The following GFRA2 variants were observed in gnomAD, a reference collection of about 807,000 sequenced individuals.
The protein encoded by GFRA2 is GDNF family receptor alpha 2, also known as GDNF family receptor alpha-2.
In GFRA2, 17 loss-of-function variants were observed where a neutral mutation model predicts 48.3. The ratio of observed to expected loss-of-function variants is 0.35; its 90% CI spans 0.24 to 0.53. The LOEUF (loss-of-function observed/expected upper bound fraction) is 0.53. Ranked by LOEUF, GFRA2 falls within the 20% of genes least tolerant of loss-of-function variation. GFRA2 has a pLI of 0.93. For missense variants in GFRA2, 660 were observed against 637.3 expected (o/e 1.04, Z -0.38); for synonymous variants, 305 against 257.2 (o/e 1.19, Z -1.78).
At chr8:21,782,467 A>G (rs1807041346) in intron 2 of GFRA2, 118 bp downstream of exon 2, 2 of 732,878 alleles carry the variant, frequency 2.7e-6, no homozygotes, top group Non-Finnish European at 4.5e-6. Context: ...AGGTAGACAT[A>G]GAGAGCTGGC....
upstream of GFRA2, among the ~76,000 whole-genome samples, chr8:21,791,762 TAGA>T (rs1169164654): frequency 3.3e-5 from 5 of 152,220 alleles, no homozygotes; most frequent in Non-Finnish European, 5.9e-5. Flanking sequence ...CTCTGGGTTC[TAGA>T]AGAAGAATTA....
intron 4 of GFRA2, among the ~76,000 whole-genome samples, chr8:21,721,486 C>T (rs555599320): frequency 8.5e-5 from 13 of 152,248 alleles, no homozygotes; most frequent in Non-Finnish European, 1.5e-4. Context: ...CTCAAACACG[C>T]AGAAGGGCAA....
intron 3 of GFRA2, among the ~76,000 whole-genome samples, chr8:21,768,599 C>T (rs1487465153): frequency 2.0e-5 from 3 of 152,112 alleles, no homozygotes; most frequent in Non-Finnish European, 4.4e-5. Context: ...CAGAGGGAGC[C>T]GACCCAGGGA....
At chr8:21,801,985 T>A (rs1174143820) in intron 2 of GFRA2, among the ~76,000 whole-genome samples, 1 of 152,184 alleles carries the variant, frequency 6.6e-6, no homozygotes, top group Non-Finnish European at 1.5e-5. Context: ...GGAACTTCCA[T>A]CCCGTCCGCT....
intron 3 of GFRA2, among the ~76,000 whole-genome samples, chr8:21,767,168 C>A (rs1195219536): frequency 1.4e-5 from 2 of 145,674 alleles, no homozygotes; most frequent in African/African-American, 2.5e-5. Context: ...TATACACACA[C>A]CACCACAAAC....
chr8:21,730,485 A>C (rs7014143), intron 4 of GFRA2, among the ~76,000 whole-genome samples: 100,563 of 151,764 alleles, frequency 0.66, 35,162 homozygotes, highest in African/African-American at 0.9. Flanking sequence ...ACCTAAGGTC[A>C]CTCCTCGGCC....
intron 4 of GFRA2, among the ~76,000 whole-genome samples, chr8:21,724,120 G>T (rs1803739149): frequency 6.6e-6 from 1 of 152,154 alleles, no homozygotes; most frequent in East Asian, 1.9e-4. Flanking sequence ...GAACCAGGAT[G>T]ACTACCTCTG....
At chr8:21,802,255 C>A (rs969175017) in intron 2 of GFRA2, among the ~76,000 whole-genome samples, 2 of 152,238 alleles carry the variant, frequency 1.3e-5, no homozygotes, top group South Asian at 4.1e-4. Flanking sequence ...GACAATGACA[C>A]CTGCCCTGCC....
chr8:21,781,484 A>T (rs1267943854), intron 2 of GFRA2, among the ~76,000 whole-genome samples: 2 of 151,336 alleles, frequency 1.3e-5, no homozygotes, highest in African/African-American at 4.9e-5. Flanking sequence ...CCATTTCGTG[A>T]CTCTGACTCA....
At chr8:21,771,989 G>A (rs1376875705) in intron 3 of GFRA2, among the ~76,000 whole-genome samples, 6 of 152,250 alleles carry the variant, frequency 3.9e-5, no homozygotes, top group East Asian at 1.9e-4. Context: ...TGCAGCCAGC[G>A]TGCGACACAC....
chr8:21,737,334 A>G (rs1585275884), intron 4 of GFRA2, among the ~76,000 whole-genome samples: 1 of 152,082 alleles, frequency 6.6e-6, no homozygotes, highest in Non-Finnish European at 1.5e-5. Flanking sequence ...ACGCCATTGC[A>G]GTCCAGCCTG....
chr8:21,713,902 A>G (rs1803196212), intron 4 of GFRA2, among the ~76,000 whole-genome samples: 1 of 152,162 alleles, frequency 6.6e-6, no homozygotes, highest in South Asian at 2.1e-4. Flanking sequence ...TCAGCTTTAA[A>G]TATCCACACT....
In GFRA2 at chr8:21,782,887, C is replaced by G. The variant is rs998092394; in HGVS notation, c.53G>C (p.Arg18Pro). 8.4e-6 allele frequency: 13 copies of G among 1,556,182 alleles called. No homozygotes were observed. In the African/African-American group the frequency reaches 1.8e-4, roughly 21 times the overall value. Residue 18 changes from arginine (R) to proline (P), a missense_variant, in exon 2 of 9, where the codon CGC (arginine) becomes CCC (proline). Arg to Pro is a moderately radical substitution (Grantham distance 103, BLOSUM62 -2). Transcript: ENST00000524240. ...CLFFFLDETLRSLASPSSLQG... is the reference protein window; with the variant it reads ...CLFFFLDETLPSLASPSSLQG... ...CAGGGAGGAAGGGCTGGCCAAAGAG[C>G]GGAGGGTCTCGTCTGGGTGGTGGGG...
At chr8:21,796,745 T>G (rs1807683724) in intron 2 of GFRA2, among the ~76,000 whole-genome samples, 1 of 152,170 alleles carries the variant, frequency 6.6e-6, no homozygotes, top group South Asian at 2.1e-4. Flanking sequence ...GTATCCTATC[T>G]CTCTTTCCAG....
intron 4 of GFRA2, among the ~76,000 whole-genome samples, chr8:21,707,565 T>C (rs995245305): frequency 6.6e-6 from 1 of 152,178 alleles, no homozygotes; most frequent in African/African-American, 2.4e-5. Flanking sequence ...CCTCCTGGGA[T>C]GTGCCCCAGG....
At chr8:21,727,546 C>G (rs911333485) in intron 4 of GFRA2, among the ~76,000 whole-genome samples, 4 of 152,222 alleles carry the variant, frequency 2.6e-5, no homozygotes, top group African/African-American at 7.2e-5. Flanking sequence ...CGGCCCCCCC[C>G]AGGAGACAGG....
intron 4 of GFRA2, among the ~76,000 whole-genome samples, chr8:21,725,862 G>A (rs1036096304): frequency 2.6e-5 from 4 of 152,188 alleles, no homozygotes; most frequent in African/African-American, 7.2e-5. Context: ...AGCATCACCC[G>A]CTGGGGTTGG....
At chr8:21,732,451 G>A (rs561160548) in intron 4 of GFRA2, among the ~76,000 whole-genome samples, 4 of 152,320 alleles carry the variant, frequency 2.6e-5, no homozygotes, top group South Asian at 2.1e-4. Flanking sequence ...ATGAGTCTGC[G>A]GAGAGGGGAG....
chr8:21,743,242 T>C (rs541009476), intron 4 of GFRA2, among the ~76,000 whole-genome samples: 3 of 152,214 alleles, frequency 2.0e-5, no homozygotes, highest in Non-Finnish European at 2.9e-5. Context: ...GGGGTGGCCT[T>C]TTCCCCCCGA....
Sources: gnomAD v4.1 joint callset for allele counts (sites outside exome capture counted in the v4.1 genomes callset) on GRCh38, gnomAD v4.1.1 for gene constraint, MANE v1.5 for transcripts, NCBI Gene and HGNC (gene_info 2026-07-23, HGNC 2026-07-21) for gene names.